DENND1A: variants seen among roughly 807,000 people sequenced by gnomAD.
DENND1A encodes DENN domain-containing protein 1A.
DENND1A carries 51 observed loss-of-function variants against 113.7 expected under a neutral mutation model. The observed-to-expected ratio is 0.45, with a 90% CI of 0.36 to 0.57. DENND1A has a LOEUF of 0.57. Ranked by LOEUF, DENND1A falls within the 20% of genes least tolerant of loss-of-function variation. The pLI is 0.00. For synonymous variants in DENND1A, 565 were observed against 570.8 expected, an observed-to-expected ratio of 0.99 and a Z score of 0.14; for missense variants, 1,258 against 1,395.9, an observed-to-expected ratio of 0.90 and a Z score of 1.57.
intron 19 of DENND1A, among the ~76,000 whole-genome samples, chr9:123,430,876 C>T (rs1225563334): frequency 1.3e-5 from 2 of 152,086 alleles, no homozygotes; most frequent in East Asian, 1.9e-4. Flanking sequence ...GTGGTGTGCA[C>T]CTATATAGTC....
intron 13 of DENND1A, among the ~76,000 whole-genome samples, chr9:123,475,392 C>T (rs1048262198): frequency 6.6e-6 from 1 of 152,148 alleles, no homozygotes; most frequent in African/African-American, 2.4e-5. Flanking sequence ...TATTATGATC[C>T]CCCTCTCCCT....
rs182635628 is a variant in DENND1A at position 123,703,615 on chromosome 9, A to G, written c.303-26826T>C. ...CTAGAAAACAATGAAAATGGCAGTA[A>G]TAAGTCCTTACCAAAAAGAACAAGC... On this transcript the variant is annotated intron_variant, in intron 5 of 23. Transcript: ENST00000394215. 1.6e-3 allele frequency among the ~76,000 whole-genome samples: 248 copies of G among 152,328 alleles called. 1 individual carries two copies. Among genetic ancestry groups the G allele is most frequent in the African/African-American group, 5.7e-3 (236 of 41,592 alleles).
chr9:123,483,172 C>G (rs887806109), intron 13 of DENND1A, among the ~76,000 whole-genome samples: 10 of 152,154 alleles, frequency 6.6e-5, no homozygotes, highest in Non-Finnish European at 1.5e-4. Context: ...CTGACCACCT[C>G]CCCCTACTAC....
chr9:123,645,804 C>T (rs540000279), intron 9 of DENND1A, among the ~76,000 whole-genome samples: 2 of 152,374 alleles, frequency 1.3e-5, no homozygotes, highest in African/African-American at 2.4e-5. Context: ...ATTCTTCTTA[C>T]ACCCTTCACT....
chr9:123,859,896 G>C (rs933203855), intron 2 of DENND1A, among the ~76,000 whole-genome samples: 2 of 152,208 alleles, frequency 1.3e-5, no homozygotes, highest in African/African-American at 4.8e-5. Context: ...GAGCATGGAA[G>C]ACCTCATTTG....
At chr9:123,445,111 C>T (rs1415939702) in intron 18 of DENND1A, among the ~76,000 whole-genome samples, 1 of 152,214 alleles carries the variant, frequency 6.6e-6, no homozygotes, top group Non-Finnish European at 1.5e-5. Context: ...CTCTAACCTC[C>T]AGCCCTCTGA....
At position 123,734,815 on chromosome 9, in the gene DENND1A, C is replaced by T. The variant is rs546430469; in HGVS notation, c.302+22888G>A. 2.0e-5 allele frequency among the ~76,000 whole-genome samples: 3 copies of T among 152,200 alleles called. No homozygotes were observed. The East Asian group carries it at 5.8e-4, about 29-fold the overall frequency. On this transcript the variant is annotated intron_variant, in intron 5 of 23. Coordinates refer to ENST00000394215, the MANE Select transcript of DENND1A (RefSeq NM_001352964.2). ...GCCTCATCCTCTCACATGAGCACAT[C>T]CCAAGAGAGGGCTTGGGAAAATAAT...
intron 13 of DENND1A, among the ~76,000 whole-genome samples, chr9:123,556,749 C>T (rs2057438646): frequency 1.3e-5 from 2 of 152,220 alleles, no homozygotes; most frequent in Non-Finnish European, 2.9e-5. Flanking sequence ...CAACATTCTC[C>T]CCTCTGCAGG....
At position 123,565,481 on chromosome 9, in the gene DENND1A, T is replaced by A. The variant is rs1010894983; in HGVS notation, c.868-7786A>T. Among the ~76,000 whole-genome samples the A allele has an allele frequency of 2.6e-4, 39 of 152,300 alleles. 1 individual carries two copies. Among genetic ancestry groups the A allele is most frequent in the African/African-American group, 3.1e-4 (13 of 41,564 alleles). On this transcript the variant is annotated intron_variant, in intron 12 of 23. Coordinates refer to ENST00000394215, the MANE Select transcript of DENND1A (RefSeq NM_001352964.2). ...TGTCACAGTTGGAGTTGAAAGATTT[T>A]TTATTATTATTATTACAAATTAGAC...
chr9:123,411,645 G>GA (rs1261004021), intron 20 of DENND1A, 131 bp downstream of exon 20: 1 of 449,282 alleles, frequency 2.2e-6, no homozygotes, highest in Non-Finnish European at 2.9e-6. Context: ...CACAGAGAGG[G>GA]AAGCTGAAAA....
chr9:123,398,831 G>A (rs565531308), intron 21 of DENND1A, among the ~76,000 whole-genome samples: 1 of 146,726 alleles, frequency 6.8e-6, no homozygotes, highest in Non-Finnish European at 1.5e-5. Context: ...GTCTCGTTCT[G>A]TTACTCAGGC....
chr9:123,544,328 A>T (rs2056500237), intron 13 of DENND1A, among the ~76,000 whole-genome samples: 2 of 152,272 alleles, frequency 1.3e-5, no homozygotes, highest in African/African-American at 2.4e-5. Context: ...GGAATGTTTT[A>T]AAAAAGATAT....
intron 12 of DENND1A, among the ~76,000 whole-genome samples, 161 bp from the exon 13 acceptor site, chr9:123,557,856 G>C (rs1377773504): frequency 6.6e-6 from 1 of 152,168 alleles, no homozygotes; most frequent in Non-Finnish European, 1.5e-5. Context: ...GCTGGGTGCA[G>C]TGGCACACAC....
At chr9:123,519,001 C>T (rs2054166786) in intron 13 of DENND1A, among the ~76,000 whole-genome samples, 1 of 152,254 alleles carries the variant, frequency 6.6e-6, no homozygotes, top group African/African-American at 2.4e-5. Flanking sequence ...TCAAGCCACT[C>T]ACCTTGCTTG....
chr9:123,549,274 C>T (rs941732674), intron 13 of DENND1A, among the ~76,000 whole-genome samples: 2 of 152,146 alleles, frequency 1.3e-5, no homozygotes, highest in African/African-American at 4.8e-5. Context: ...TTCCTTATCT[C>T]TCATCTTGCT....
intron 2 of DENND1A, among the ~76,000 whole-genome samples, chr9:123,864,520 A>G (rs1417017169): frequency 1.3e-5 from 2 of 152,202 alleles, no homozygotes; most frequent in Non-Finnish European, 2.9e-5. Flanking sequence ...TCTGATGGAC[A>G]CTTGGTAAAT....
rs1233174999 is a variant in DENND1A, at chr9:123,630,404, G to A, written c.691C>T (p.Leu231=). ...CAGTAGTCCAGCAGATGCGGCGGCA[G>A]CACGGGGATGTACACGTGCTGCCAG... is the stretch of plus-strand genomic sequence containing the variant. The part of the protein sequence containing the change: ...MYWQHVYIPV[L]PPHLLDYCCA... The change falls in exon 10 of 24, where the codon CTG becomes TTG. Residue 231 remains leucine (L), a synonymous_variant. Transcript: ENST00000394215. 1 of 1,602,126 alleles carries A rather than the reference G, an allele frequency of 6.2e-7. No individual in the cohort carries two copies. The highest frequency in any genetic ancestry group is 8.5e-7 in the Non-Finnish European group (1 of 1,173,446).
intron 9 of DENND1A, among the ~76,000 whole-genome samples, chr9:123,636,538 A>C (rs932101058): frequency 6.6e-5 from 10 of 151,992 alleles, no homozygotes; most frequent in African/African-American, 2.4e-4. Context: ...GCTGGTCTCG[A>C]ACTCCCGAGC....
chr9:123,774,184 CTCTAAG>C (rs1830143801), intron 3 of DENND1A, among the ~76,000 whole-genome samples: 1 of 152,080 alleles, frequency 6.6e-6, no homozygotes, highest in Non-Finnish European at 1.5e-5. Flanking sequence ...AATGCTGACC[CTCTAAG>C]TCCTGCAATT....
Sources: allele counts gnomAD v4.1 joint callset (sites outside exome capture counted in the v4.1 genomes callset), GRCh38; gene constraint gnomAD v4.1.1; transcripts MANE v1.5; gene names NCBI Gene and HGNC (gene_info 2026-07-23, HGNC 2026-07-21).